The following NDUFAF1 variants were observed in gnomAD, a reference collection of about 807,000 sequenced individuals.
The protein encoded by NDUFAF1 is complex I intermediate-associated protein 30, mitochondrial.
A neutral mutation model predicts 28.7 loss-of-function variants in NDUFAF1; 18 were observed. The ratio of observed to expected loss-of-function variants is 0.63; its 90% CI spans 0.43 to 0.93. The LOEUF (loss-of-function observed/expected upper bound fraction) is 0.93, where lower values mean the gene tolerates loss of function less well. Among genes scored for constraint, NDUFAF1 ranks in the 40% least tolerant of loss-of-function variants. The probability of loss-of-function intolerance (pLI) is 0.00; values close to 1 mark genes in which losing one functional copy is unlikely to be tolerated. For missense variants in NDUFAF1, 404 were observed against 398.3 expected (o/e 1.01, Z -0.12); for synonymous variants, 113 against 139.7 (o/e 0.81, Z 1.35).
At chr15:41,396,368 C>T (rs1386712145) in intron 2 of NDUFAF1, 119 bp downstream of exon 2, 5 of 969,718 alleles carry the variant, frequency 5.2e-6, no homozygotes, top group Non-Finnish European at 7.7e-6. Context: ...AGGTGAGGTG[C>T]CAAATATAAC....
chr15:41,389,364 C>G (rs1320523354), intron 3 of NDUFAF1, among the ~76,000 whole-genome samples: 2 of 151,520 alleles, frequency 1.3e-5, no homozygotes, highest in African/African-American at 4.9e-5. Context: ...TATGAACCAC[C>G]ACACCCTGCC....
chr15:41,397,548 C>A (rs1441406079), intron 1 of NDUFAF1, among the ~76,000 whole-genome samples: 1 of 152,086 alleles, frequency 6.6e-6, no homozygotes, highest in African/African-American at 2.4e-5. Flanking sequence ...GCCTGTAATC[C>A]CAGCACTTGG....
At chr15:41,398,670 G>C (rs1318885345) in intron 1 of NDUFAF1, among the ~76,000 whole-genome samples, 2 of 151,954 alleles carry the variant, frequency 1.3e-5, no homozygotes, top group Non-Finnish European at 1.5e-5. Flanking sequence ...TTTAAAAAAT[G>C]TTGGCCGGGT....
intron 1 of NDUFAF1, among the ~76,000 whole-genome samples, chr15:41,399,511 T>A (rs1349576313): frequency 6.8e-6 from 1 of 146,078 alleles, no homozygotes; most frequent in Non-Finnish European, 1.5e-5. Flanking sequence ...GAGCCAAGAC[T>A]GCACCATCGC....
Position 41,387,408 on chromosome 15 carries a change from C to T in NDUFAF1, c.*36G>A. The T allele has an allele frequency of 1.3e-6, 2 of 1,590,034 alleles. No individual in the cohort carries two copies. The highest frequency in any genetic ancestry group is 1.7e-6 in the Non-Finnish European group (2 of 1,158,812). On this transcript the variant is annotated 3_prime_UTR_variant, in exon 5 of 5. Coordinates refer to ENST00000260361, the MANE Select transcript of NDUFAF1 (RefSeq NM_016013.4). Reference sequence around the variant, plus strand: ...GTCTATATCATTGTAGATGCTAGTACCCTTAGATTAGTAAAACAAAACTAC... The same window carrying T: ...GTCTATATCATTGTAGATGCTAGTATCCTTAGATTAGTAAAACAAAACTAC...
At chr15:41,391,002 C>A (rs1191426543) in intron 3 of NDUFAF1, among the ~76,000 whole-genome samples, 1 of 151,924 alleles carries the variant, frequency 6.6e-6, no homozygotes, top group Non-Finnish European at 1.5e-5. Context: ...GCAGTCCAGC[C>A]TGGGCGACAG....
chr15:41,398,909 T>A (rs1178264026), intron 1 of NDUFAF1, among the ~76,000 whole-genome samples: 2 of 151,070 alleles, frequency 1.3e-5, no homozygotes, highest in Non-Finnish European at 2.9e-5. Flanking sequence ...TGAGCCGAGA[T>A]TGCACCACTG....
chr15:41,388,008 A>T (rs2050272520), intron 4 of NDUFAF1, among the ~76,000 whole-genome samples: 1 of 152,012 alleles, frequency 6.6e-6, no homozygotes, highest in South Asian at 2.1e-4. Context: ...TACTCAGGAG[A>T]CTGAGGCAGG....
rs752444401 is a variant in NDUFAF1 at position 41,397,081 on chromosome 15, AAG to A, written c.-24_-23del. 1 of 1,610,888 alleles carries A rather than the reference AAG, an allele frequency of 6.2e-7. No homozygotes were observed. The highest frequency in any genetic ancestry group is 8.5e-7 in the Non-Finnish European group (1 of 1,178,036). On this transcript the variant is annotated 5_prime_UTR_variant, in exon 2 of 5. Transcript: ENST00000260361. ...CCATGGTACAAAAAAATCAAAATGT[AAG>A]TTTCTTCCTGGGCTAGCAAGGGCCA... is the stretch of plus-strand genomic sequence containing the variant.
upstream of NDUFAF1, chr15:41,402,622 T>C (rs944977302): frequency 5.2e-6 from 1 of 190,760 alleles, no homozygotes; most frequent in African/African-American, 2.3e-5. Context: ...TTTTTGGAGG[T>C]TTTTGGTCCA....
Position 41,395,168 on chromosome 15 carries a change from G to A in NDUFAF1, c.574-124C>T. On this transcript the variant is annotated intron_variant, in intron 2 of 4. Coordinates refer to ENST00000260361, the MANE Select transcript of NDUFAF1 (RefSeq NM_016013.4). ...ATTTTTCTGACTTTCTGCCCCATAA[G>A]AAGGCACATAAACCCAGTGATTATT... The A allele has an allele frequency of 4.9e-6, 4 of 817,582 alleles. No homozygotes were observed. In the South Asian group the frequency reaches 5.8e-5, roughly 12 times the overall value. The allele number at this position is 817,582 out of a possible 1,614,324, so 50.6% of individuals were successfully genotyped here.
Position 41,396,950 on chromosome 15 carries a change from C to G in NDUFAF1, c.110G>C (p.Ser37Thr), listed in dbSNP as rs372827489. 4.3e-6 allele frequency: 7 copies of G among 1,612,956 alleles called. No individual in the cohort carries two copies. In the African/African-American group the frequency reaches 6.7e-5, roughly 15 times the overall value. The stretch of plus-strand genomic sequence containing the variant: ...AGAAGCCACTGGTTTCTGAAGACTA[C>G]TGGAATACTCTGCAAAGCGAATACC... ...FLGIRFAEYS[S>T]SLQKPVASPG... is the part of the protein sequence containing the mutation. The change falls in exon 2 of 5, where the codon AGT (serine) becomes ACT (threonine). Residue 37 changes from serine (S) to threonine (T), a missense_variant. By Grantham distance (58) the Ser-to-Thr change is moderately conservative. Coordinates refer to ENST00000260361, the MANE Select transcript of NDUFAF1 (RefSeq NM_016013.4).
At chr15:41,394,806 C>T (rs1428387418) in intron 3 of NDUFAF1, 53 bp downstream of exon 3, 14 of 1,587,962 alleles carry the variant, frequency 8.8e-6, no homozygotes, top group Middle Eastern at 1.8e-4. Flanking sequence ...GCGTGAGCCA[C>T]CTCACCCAGC....
At position 41,396,846 on chromosome 15, in the gene NDUFAF1, T is replaced by C; in HGVS notation, c.214A>G (p.Thr72Ala). ...DHQKEVALDITSSEEKPDVSF... is the reference protein window; with the variant it reads ...DHQKEVALDIASSEEKPDVSF... ...ACATCAGGCTTCTCCTCAGAAGAAGTTATATCCAAAGCAACTTCTTTCTGG... is the reference window on the plus strand; with the variant it reads ...ACATCAGGCTTCTCCTCAGAAGAAGCTATATCCAAAGCAACTTCTTTCTGG... Residue 72 changes from threonine to alanine, a missense_variant, in exon 2 of 5, where the codon ACT (threonine) becomes GCT (alanine). Physicochemically the swap from Thr to Ala is moderately conservative, Grantham distance 58 (BLOSUM62 0). Coordinates refer to ENST00000260361, the MANE Select transcript of NDUFAF1 (RefSeq NM_016013.4). The C allele has an allele frequency of 6.2e-7, 1 of 1,614,088 alleles. No individual in the cohort carries two copies. The highest frequency in any genetic ancestry group is 8.5e-7 in the Non-Finnish European group (1 of 1,180,024).
Position 41,395,961 on chromosome 15 carries a change from A to ATG in NDUFAF1, c.573+525_573+526insCA, listed in dbSNP as rs1202953097. ...AAATTAGCTGGGCGTGGTGGTGTGC[A>ATG]CCAGTAGTCCCAGCTACTCAGGAGG... is the stretch of plus-strand genomic sequence containing the variant. On this transcript the variant is annotated intron_variant, in intron 2 of 4. Coordinates refer to ENST00000260361, the MANE Select transcript of NDUFAF1 (RefSeq NM_016013.4). Among the ~76,000 whole-genome samples the ATG allele has an allele frequency of 1.3e-3, 199 of 151,560 alleles. 1 individual carries two copies. The highest frequency in any genetic ancestry group is 2.2e-3 in the Non-Finnish European group (152 of 67,850).
chr15:41,388,788 G>C (rs2050282913), intron 3 of NDUFAF1, among the ~76,000 whole-genome samples: 1 of 150,432 alleles, frequency 6.6e-6, no homozygotes, highest in Admixed American at 6.6e-5. Context: ...TGGAGAATGG[G>C]GTCTCACTTT....
In NDUFAF1 at chr15:41,396,561, G is replaced by C. The variant is rs1389306337; in HGVS notation, c.499C>G (p.Leu167Val). The part of the protein sequence containing the change: ...NNQSALLYGT[L>V]SSEAPQDGES... ...CCGTCCTGAGGCGCCTCAGAGCTCAGAGTTCCATATAGCAGTGCACTTTGG... is the reference window on the plus strand; with the variant it reads ...CCGTCCTGAGGCGCCTCAGAGCTCACAGTTCCATATAGCAGTGCACTTTGG... The change falls in exon 2 of 5, where the codon CTG becomes GTG. Residue 167 changes from leucine to valine, a missense_variant. Transcript: ENST00000260361. 2 of 1,614,010 alleles carry C rather than the reference G, an allele frequency of 1.2e-6. No homozygotes were observed. The highest frequency in any genetic ancestry group is 1.3e-5 in the African/African-American group (1 of 74,906).
intron 3 of NDUFAF1, among the ~76,000 whole-genome samples, chr15:41,388,982 T>A (rs1289717905): frequency 6.6e-6 from 1 of 152,200 alleles, no homozygotes; most frequent in Non-Finnish European, 1.5e-5. Flanking sequence ...TCTTGAACTT[T>A]CAAGTGTGCC....
intron 3 of NDUFAF1, among the ~76,000 whole-genome samples, chr15:41,392,380 T>G (rs779273637): frequency 1.3e-5 from 2 of 152,090 alleles, no homozygotes; most frequent in South Asian, 4.2e-4. Flanking sequence ...AGCCTGGACT[T>G]TATTCGAATT....
Sources: gnomAD v4.1 joint callset for allele counts (sites outside exome capture counted in the v4.1 genomes callset) on GRCh38, gnomAD v4.1.1 for gene constraint, MANE v1.5 for transcripts, NCBI Gene and HGNC (gene_info 2026-07-23, HGNC 2026-07-21) for gene names.